GRHL2: variants seen among roughly 807,000 people sequenced by gnomAD.
The protein encoded by GRHL2 is grainyhead-like protein 2 homolog.
A neutral mutation model predicts 83.8 loss-of-function variants in GRHL2; 21 were observed. That is an observed-to-expected ratio of 0.25 (90% CI 0.18 to 0.36). The LOEUF is 0.36. Among genes scored for constraint, GRHL2 ranks in the 10% least tolerant of loss-of-function variants. GRHL2 has a pLI of 1.00. For missense variants in GRHL2, 623 were observed against 781.8 expected (o/e 0.80, Z 2.42); for synonymous variants, 280 against 278.9 (o/e 1.00, Z -0.04).
At chr8:101,654,249 C>T (rs968413753) in intron 14 of GRHL2, among the ~76,000 whole-genome samples, 1 of 152,210 alleles carries the variant, frequency 6.6e-6, no homozygotes, top group African/African-American at 2.4e-5. Flanking sequence ...GAAACACCTG[C>T]TTCATATCAA....
At chr8:101,495,216 G>A (rs1176070155) in intron 1 of GRHL2, among the ~76,000 whole-genome samples, 1 of 152,184 alleles carries the variant, frequency 6.6e-6, no homozygotes, top group African/African-American at 2.4e-5. Flanking sequence ...TCCACCTTAC[G>A]AGGCCTGCCT....
chr8:101,512,623 C>T (rs575387225), intron 1 of GRHL2, among the ~76,000 whole-genome samples: 6 of 152,276 alleles, frequency 3.9e-5, no homozygotes, highest in Non-Finnish European at 8.8e-5. Flanking sequence ...TACAGGTGTG[C>T]ACCACGATGC....
chr8:101,545,460 A>T (rs1013851923), intron 2 of GRHL2, among the ~76,000 whole-genome samples: 16 of 149,242 alleles, frequency 1.1e-4, no homozygotes, highest in African/African-American at 3.3e-4. Context: ...AAAAAAAAAA[A>T]AAAAAAAAAA....
chr8:101,525,190 G>A (rs757312684), intron 1 of GRHL2, among the ~76,000 whole-genome samples: 31 of 152,124 alleles, frequency 2.0e-4, no homozygotes, highest in Non-Finnish European at 2.6e-4. Flanking sequence ...TGATCTGCCT[G>A]CCTTGGCCTC....
intron 3 of GRHL2, among the ~76,000 whole-genome samples, chr8:101,557,224 C>CTTTTT (rs34785282): frequency 8.2e-6 from 1 of 122,446 alleles, no homozygotes; most frequent in Admixed American, 8.9e-5. Flanking sequence ...ATTAACAATA[C>CTTTTT]TTTTTTTTTT....
At chr8:101,588,705 C>T (rs1031274611) in intron 7 of GRHL2, among the ~76,000 whole-genome samples, 3 of 152,160 alleles carry the variant, frequency 2.0e-5, no homozygotes, top group African/African-American at 7.2e-5. Flanking sequence ...TCTGCACTGC[C>T]AATTACCAAA....
intron 8 of GRHL2, among the ~76,000 whole-genome samples, chr8:101,615,487 C>A (rs768789263): frequency 6.6e-6 from 1 of 152,240 alleles, no homozygotes; most frequent in Non-Finnish European, 1.5e-5. Context: ...TCTAGGCAGG[C>A]TTTATGAGGG....
chr8:101,676,040 A>G, the GRHL2 span, among the ~76,000 whole-genome samples: 1 of 152,104 alleles, frequency 6.6e-6, no homozygotes, highest in East Asian at 1.9e-4. Context: ...CCTTCCTTAC[A>G]CCTTATACAA....
At chr8:101,493,438 CG>C (rs1465425269) in intron 1 of GRHL2, among the ~76,000 whole-genome samples, 1 of 12,040 alleles carries the variant, frequency 8.3e-5, no homozygotes, top group East Asian at 1.6e-3. Context: ...CCCCCTCCCC[CG>C]CCTCCCTCCC....
the GRHL2 span, among the ~76,000 whole-genome samples, chr8:101,676,559 C>A: frequency 6.6e-6 from 1 of 152,128 alleles, no homozygotes; most frequent in African/African-American, 2.4e-5. Context: ...AGTCAGGAAA[C>A]AACAGGTGCT....
In GRHL2 at chr8:101,627,682, A is replaced by C. The variant is rs139536233; in HGVS notation, c.1258-3955A>C. ...ATATCAAAAGCTGACACAGGCCAAGAGCTGGGCCTCTTTTATCGGTTAGCC... is the reference window on the plus strand; with the variant it reads ...ATATCAAAAGCTGACACAGGCCAAGCGCTGGGCCTCTTTTATCGGTTAGCC... On this transcript the variant is annotated intron_variant, in intron 9 of 15. Coordinates refer to ENST00000646743, the MANE Select transcript of GRHL2 (RefSeq NM_024915.4). Among the ~76,000 whole-genome samples, 278 of 152,258 alleles carry C rather than the reference A, an allele frequency of 1.8e-3. 2 individuals carry two copies. Among genetic ancestry groups the C allele is most frequent in the African/African-American group, 6.4e-3 (265 of 41,566 alleles).
chr8:101,666,034 A>T (rs1024239568), intron 15 of GRHL2, among the ~76,000 whole-genome samples: 2 of 152,214 alleles, frequency 1.3e-5, no homozygotes, highest in African/African-American at 4.8e-5. Flanking sequence ...AACTTGGGGA[A>T]ACAATTTAAC....
chr8:101,502,176 C>A (rs910761952), intron 1 of GRHL2, among the ~76,000 whole-genome samples: 1 of 152,150 alleles, frequency 6.6e-6, no homozygotes, highest in Non-Finnish European at 1.5e-5. Flanking sequence ...AACATAAGAT[C>A]AGAAGATTCT....
chr8:101,531,239 AAG>A (rs1220218739), intron 1 of GRHL2, among the ~76,000 whole-genome samples: 3 of 137,422 alleles, frequency 2.2e-5, no homozygotes, highest in African/African-American at 7.7e-5. Flanking sequence ...AAAAAAAAAA[AAG>A]AGAACTCAGG....
At chr8:101,596,725 G>A (rs28521662) in intron 7 of GRHL2, among the ~76,000 whole-genome samples, 46,319 of 152,106 alleles carry the variant, frequency 0.3, 7,658 homozygotes, top group African/African-American at 0.43. Context: ...GAGAAAGATA[G>A]GAAGGATGAA....
At chr8:101,581,828 A>C (rs1466635792) in intron 7 of GRHL2, among the ~76,000 whole-genome samples, 1 of 152,178 alleles carries the variant, frequency 6.6e-6, no homozygotes, top group Non-Finnish European at 1.5e-5. Context: ...CGCTTCCCAG[A>C]GAAGTTTCTG....
intron 1 of GRHL2, among the ~76,000 whole-genome samples, chr8:101,541,639 T>C (rs1298701996): frequency 6.6e-6 from 1 of 152,132 alleles, no homozygotes; most frequent in Admixed American, 6.6e-5. Context: ...TTAACTGAAA[T>C]ACAATGTCTC....
At chr8:101,522,736 TAC>T (rs1491434267) in intron 1 of GRHL2, among the ~76,000 whole-genome samples, 14 of 148,672 alleles carry the variant, frequency 9.4e-5, no homozygotes, top group Non-Finnish European at 1.8e-4. Context: ...CATATACATA[TAC>T]ATATATATAT....
intron 8 of GRHL2, among the ~76,000 whole-genome samples, chr8:101,606,243 A>T (rs537052119): frequency 6.6e-6 from 1 of 152,072 alleles, no homozygotes; most frequent in Non-Finnish European, 1.5e-5. Flanking sequence ...AGATTCCTCT[A>T]ATCTTGGGTC....
Sources: gnomAD v4.1 joint callset for allele counts (sites outside exome capture counted in the v4.1 genomes callset) on GRCh38, gnomAD v4.1.1 for gene constraint, MANE v1.5 for transcripts, NCBI Gene and HGNC (gene_info 2026-07-23, HGNC 2026-07-21) for gene names.